Variants in CHD2 observed in about 807,000 individuals in gnomAD.
CHD2 encodes ATP-dependent chromatin remodeler CHD2.
In CHD2, 28 loss-of-function variants were observed where a neutral mutation model predicts 243.9. The ratio of observed to expected loss-of-function variants is 0.11; its 90% confidence interval spans 0.09 to 0.16. CHD2 has a LOEUF of 0.16. Ranked by LOEUF, CHD2 falls within the 10% of genes least tolerant of loss-of-function variation. CHD2 has a pLI of 1.00. For synonymous variants in CHD2, 775 were observed against 779.0 expected, an observed-to-expected ratio of 0.99 and a Z score of 0.09; for missense variants, 1,386 against 2,209.8, an observed-to-expected ratio of 0.63 and a Z score of 7.47.
chr15:93,010,611 A>C (rs1192149083), intron 35 of CHD2, among the ~76,000 whole-genome samples: 7 of 151,952 alleles, frequency 4.6e-5, no homozygotes, highest in Admixed American at 2.6e-4. Flanking sequence ...TTTAGTAGAG[A>C]TGGGGTTTCA....
chr15:93,011,596 A>G (rs1369506171), intron 35 of CHD2, among the ~76,000 whole-genome samples: 1 of 152,236 alleles, frequency 6.6e-6, no homozygotes, highest in African/African-American at 2.4e-5. Context: ...TCCTGTCAGC[A>G]GCAAGCCATG....
At chr15:93,023,305 T>C (rs979602170) in intron 38 of CHD2, among the ~76,000 whole-genome samples, 1 of 152,252 alleles carries the variant, frequency 6.6e-6, no homozygotes, top group Admixed American at 6.5e-5. Flanking sequence ...CTGGCTTCTT[T>C]CACTTAGCAT....
Position 92,929,073 on chromosome 15 carries a change from A to G in CHD2, c.425A>G (p.Gln142Arg). ...SESGSPKRRG[Q>R]RQLKKQEKWK... is the part of the protein sequence containing the mutation. The stretch of plus-strand genomic sequence containing the variant: ...AGTGGGAGCCCAAAAAGAAGAGGCC[A>G]GAGGCAGCTGAAAAAACAGTAAGTC... The change falls in exon 5 of 39, where the codon CAG becomes CGG. Residue 142 changes from glutamine (Q) to arginine (R), a missense_variant. Physicochemically the swap from Gln to Arg is conservative, Grantham distance 43 (BLOSUM62 1). Around this residue, in one of 19 missense-constraint regions of CHD2, gnomAD observed 16 missense variants for 76.0 expected, o/e 0.21. Transcript: ENST00000394196. 6.2e-7 allele frequency: 1 copy of G among 1,610,066 alleles called. No homozygotes were observed. Among genetic ancestry groups the G allele is most frequent in the Admixed American group, 1.7e-5 (1 of 59,654 alleles).
intron 14 of CHD2, chr15:92,953,783 A>G: frequency 1.8e-6 from 1 of 557,818 alleles, no homozygotes; most frequent in Non-Finnish European, 3.2e-6. Flanking sequence ...CAACAGCAGT[A>G]TGTGAGTGGG....
intron 37 of CHD2, among the ~76,000 whole-genome samples, chr15:93,019,413 G>A (rs1229441711): frequency 6.6e-6 from 1 of 152,166 alleles, no homozygotes; most frequent in Non-Finnish European, 1.5e-5. Flanking sequence ...GATTTCAGAA[G>A]GAGAGGAGTA....
chr15:92,940,733 T>C (rs2053347968), intron 7 of CHD2, among the ~76,000 whole-genome samples: 1 of 146,778 alleles, frequency 6.8e-6, no homozygotes, highest in Admixed American at 6.9e-5. Context: ...TCATTCATTG[T>C]TAATATGTGA....
chr15:92,917,803 A>T (rs976987796), intron 2 of CHD2, among the ~76,000 whole-genome samples: 11 of 152,064 alleles, frequency 7.2e-5, no homozygotes, highest in African/African-American at 2.2e-4. Context: ...ACACACACAC[A>T]CTCTTGGGCT....
chr15:92,939,063 G>T (rs905487220), intron 6 of CHD2, among the ~76,000 whole-genome samples: 8 of 148,152 alleles, frequency 5.4e-5, no homozygotes, highest in Non-Finnish European at 8.9e-5. Flanking sequence ...TTTTTTCTAT[G>T]AGTACATGGT....
chr15:92,961,588 T>A (rs1230315508), intron 16 of CHD2, among the ~76,000 whole-genome samples: 1 of 151,954 alleles, frequency 6.6e-6, no homozygotes, highest in Non-Finnish European at 1.5e-5. Flanking sequence ...TATTTTTTGT[T>A]ATTTGTAGAG....
Position 92,997,501 on chromosome 15 carries a change from A to C in CHD2, c.3885+98A>C. ...CTAACTATTTTCGAGGGGGCATCAA[A>C]TTAGAAATTAGTATAGTCATTCTTG... On this transcript the variant is annotated intron_variant, in intron 30 of 38. Coordinates refer to ENST00000394196, the MANE Select transcript of CHD2 (RefSeq NM_001271.4). The surrounding 1 kb of genome is among the most constrained non-coding windows in gnomAD (Gnocchi z 4.1). 3.8e-6 allele frequency: 4 copies of C among 1,055,102 alleles called. No individual in the cohort carries two copies. 65.4% of individuals were successfully genotyped at this position (1,055,102 alleles called of 1,614,324 possible).
At chr15:92,958,955 AC>A (rs1378665899) in intron 16 of CHD2, among the ~76,000 whole-genome samples, 1 of 152,228 alleles carries the variant, frequency 6.6e-6, no homozygotes, top group East Asian at 1.9e-4. Flanking sequence ...TTTTAAACTT[AC>A]GATGGGTTTC....
intron 34 of CHD2, among the ~76,000 whole-genome samples, chr15:93,006,099 C>T (rs2054317241): frequency 6.6e-6 from 1 of 150,708 alleles, no homozygotes; most frequent in Non-Finnish European, 1.5e-5. Context: ...CCCTCTCAAC[C>T]TATGCTTTTT....
chr15:92,901,035 G>T, intron 1 of CHD2, 132 bp from the exon 2 acceptor site: 8 of 579,500 alleles, frequency 1.4e-5, no homozygotes. Context: ...GGAAAAAATA[G>T]AAATATTTAG....
intron 25 of CHD2, among the ~76,000 whole-genome samples, 172 bp from the exon 26 acceptor site, chr15:92,985,326 T>TA (rs1225526577): frequency 6.6e-6 from 1 of 152,228 alleles, no homozygotes; most frequent in Admixed American, 6.5e-5. Flanking sequence ...ATGACTGTCC[T>TA]AAGTGGGTAT....
At chr15:92,901,855 T>G (rs1196519087) in intron 2 of CHD2, 1 of 272,140 alleles carries the variant, frequency 3.7e-6, no homozygotes, top group African/African-American at 2.2e-5. Flanking sequence ...TTTATATTTT[T>G]ATGTGACTTT....
chr15:92,901,382 T>C (rs1431200114), intron 2 of CHD2, 83 bp downstream of exon 2: 5 of 803,898 alleles, frequency 6.2e-6, no homozygotes, highest in Non-Finnish European at 1.0e-5. Flanking sequence ...TTGACAGACA[T>C]GGATTGCTGT....
chr15:92,936,111 G>T (rs553009803), intron 5 of CHD2, among the ~76,000 whole-genome samples: 6 of 152,120 alleles, frequency 3.9e-5, no homozygotes, highest in African/African-American at 1.4e-4. Flanking sequence ...TCCACTGACC[G>T]TCCGTGGAAG....
At chr15:93,014,313 C>T (rs896007158) in intron 36 of CHD2, among the ~76,000 whole-genome samples, 1 of 152,266 alleles carries the variant, frequency 6.6e-6, no homozygotes, top group South Asian at 2.1e-4. Flanking sequence ...TTAGTTCCCA[C>T]TGGACAGTCG....
intron 7 of CHD2, 98 bp from the exon 8 acceptor site, chr15:92,941,722 AAC>A: frequency 8.0e-7 from 1 of 1,246,858 alleles, no homozygotes; most frequent in South Asian, 1.4e-5. Flanking sequence ...ATGCTTTTGG[AAC>A]CAAAAGGGTA....
Sources: allele counts gnomAD v4.1 joint callset (sites outside exome capture counted in the v4.1 genomes callset), GRCh38; gene constraint gnomAD v4.1.1; regional missense constraint gnomAD v4.1.1; non-coding constraint Gnocchi (gnomAD v3.1); transcripts MANE v1.5; gene names NCBI Gene and HGNC (gene_info 2026-07-23, HGNC 2026-07-21).